The following SRGAP1 variants were observed in gnomAD, a reference collection of about 807,000 sequenced individuals.
The protein encoded by SRGAP1 is SLIT-ROBO Rho GTPase activating protein 1, also known as SLIT-ROBO Rho GTPase-activating protein 1.
SRGAP1 carries 43 observed loss-of-function variants against 121.9 expected under a neutral mutation model. The observed-to-expected ratio is 0.35, with a 90% CI of 0.28 to 0.46. The LOEUF (loss-of-function observed/expected upper bound fraction) is 0.46. SRGAP1 is among the 20% of genes least tolerant of loss of function. The pLI, the probability that SRGAP1 is intolerant of heterozygous loss-of-function variation, is 1.00. For synonymous variants in SRGAP1, 447 were observed against 485.4 expected (o/e 0.92, Z 1.04); for missense variants, 1,102 against 1,350.9 (o/e 0.82, Z 2.89).
chr12:64,091,415 G>T, intron 12 of SRGAP1, 37 bp downstream of exon 12: 3 of 1,478,184 alleles, frequency 2.0e-6, no homozygotes, highest in Non-Finnish European at 2.8e-6. Context: ...TGATCTCCAT[G>T]CTTCTTACTA....
At position 64,147,390 on chromosome 12, in the gene SRGAP1, C is replaced by T. The variant is rs749838127; in HGVS notation, c.*4718C>T. The T allele has an allele frequency of 1.0e-5, 4 of 386,234 alleles. No individual in the cohort carries two copies. The highest frequency in any genetic ancestry group is 1.8e-5 in the Non-Finnish European group (4 of 220,276). The allele number at this position is 386,234 out of a possible 1,614,324, so 23.9% of individuals were successfully genotyped here. A position where few individuals can be genotyped will look rare whatever the true frequency, so the allele number is the denominator to read the frequency against. ...CCTCCTCCTCCCAATTCCTGCTGCC[C>T]ACTCGAGTGTTTCGAAGCTTCCTCC... On this transcript the variant is annotated 3_prime_UTR_variant, in exon 22 of 22. Transcript: ENST00000355086.
chr12:64,066,424 A>G (rs7303224), intron 8 of SRGAP1, among the ~76,000 whole-genome samples: 3,730 of 152,294 alleles, frequency 0.024, 134 homozygotes, highest in African/African-American at 0.083. Context: ...GAGAATTCCA[A>G]CAGAAATAGT....
chr12:64,057,288 C>A (rs777436680), intron 6 of SRGAP1, among the ~76,000 whole-genome samples: 4 of 152,088 alleles, frequency 2.6e-5, no homozygotes, highest in African/African-American at 9.7e-5. Flanking sequence ...CTTAAAACAA[C>A]AAGAAGAGTT....
Position 64,095,002 on chromosome 12 carries a change from A to G in SRGAP1, c.1600+10A>G. 1 of 1,613,892 alleles carries G rather than the reference A, an allele frequency of 6.2e-7. No homozygotes were observed. The highest frequency in any genetic ancestry group is 2.2e-5 in the East Asian group (1 of 44,870). ...TTCATCAATCTCTATGGTAAGCCAT[A>G]AACTACAGAATTCTTATTTTTTAAA... On this transcript the variant is annotated intron_variant, in intron 13 of 21. Transcript: ENST00000355086.
Position 64,142,461 on chromosome 12 carries a change from C to T in SRGAP1, c.3047C>T (p.Ala1016Val). 1 of 1,614,142 alleles carries T rather than the reference C, an allele frequency of 6.2e-7. No individual in the cohort carries two copies. Among genetic ancestry groups the T allele is most frequent in the Non-Finnish European group, 8.5e-7 (1 of 1,180,044 alleles). ...TCTCTCAGCCCTTTGCACAACGTTGCCCTCAGGAGCTCCGAGCCTCAGATT... is the reference window on the plus strand; with the variant it reads ...TCTCTCAGCCCTTTGCACAACGTTGTCCTCAGGAGCTCCGAGCCTCAGATT... ...TESLSPLHNV[A>V]LRSSEPQIRR... is the part of the protein sequence containing the mutation. The change falls in exon 22 of 22, where the codon GCC (alanine) becomes GTC (valine). Residue 1016 changes from alanine (A) to valine (V), a missense_variant. By Grantham distance (64) the Ala-to-Val change is moderately conservative. This residue lies in a region of SRGAP1 where 315 missense variants were observed against 343.1 expected (regional missense o/e 0.92). Transcript: ENST00000355086.
chr12:64,032,500 G>C, intron 4 of SRGAP1: 5 of 1,161,392 alleles, frequency 4.3e-6, no homozygotes, highest in Non-Finnish European at 6.4e-6. Flanking sequence ...TTATCCAGCA[G>C]CCAGGCATGG....
chr12:64,038,192 C>T (rs1397722651), intron 4 of SRGAP1, among the ~76,000 whole-genome samples: 1 of 152,010 alleles, frequency 6.6e-6, no homozygotes, highest in East Asian at 1.9e-4. Flanking sequence ...ATATGTTATT[C>T]GTAAAATGCT....
intron 1 of SRGAP1, among the ~76,000 whole-genome samples, chr12:63,845,111 G>A (rs563629493): frequency 1.3e-4 from 20 of 152,284 alleles, no homozygotes; most frequent in African/African-American, 4.6e-4. Context: ...CCCGCCAGCT[G>A]CCAGCCCGCA....
chr12:63,892,813 G>A (rs1281667347), intron 1 of SRGAP1, among the ~76,000 whole-genome samples: 5 of 152,104 alleles, frequency 3.3e-5, no homozygotes, highest in African/African-American at 4.8e-5. Flanking sequence ...TTCGGAGTGC[G>A]AAATGGCTGC....
intron 1 of SRGAP1, among the ~76,000 whole-genome samples, chr12:63,930,458 G>A (rs1469116416): frequency 6.6e-6 from 1 of 151,584 alleles, no homozygotes; most frequent in African/African-American, 2.4e-5. Flanking sequence ...AAATTGAGAT[G>A]ATAAAACATA....
intron 1 of SRGAP1, among the ~76,000 whole-genome samples, chr12:63,877,813 C>T (rs1022880382): frequency 1.3e-5 from 2 of 152,172 alleles, no homozygotes; most frequent in Admixed American, 1.3e-4. Context: ...CTGAATCTTG[C>T]CAGGCCTTAG....
At chr12:63,948,892 ATATTCCATATATATATT>A (rs2032149809) in intron 1 of SRGAP1, among the ~76,000 whole-genome samples, 1 of 76,968 alleles carries the variant, frequency 1.3e-5, no homozygotes, top group Non-Finnish European at 2.7e-5. Context: ...CCATATATAT[ATATTCCATATATATATT>A]TTCCATATAT....
intron 6 of SRGAP1, among the ~76,000 whole-genome samples, chr12:64,059,951 A>G (rs1229869501): frequency 6.6e-6 from 1 of 152,076 alleles, no homozygotes; most frequent in Non-Finnish European, 1.5e-5. Context: ...GTCATCTTTA[A>G]TCAAGTCCTT....
intron 15 of SRGAP1, among the ~76,000 whole-genome samples, chr12:64,099,360 T>C (rs963733741): frequency 1.3e-5 from 2 of 152,170 alleles, no homozygotes; most frequent in Non-Finnish European, 2.9e-5. Flanking sequence ...TGGAGTAGTT[T>C]TGCAGCCCTA....
At chr12:64,096,845 C>T (rs919858183) in intron 14 of SRGAP1, among the ~76,000 whole-genome samples, 13 of 152,152 alleles carry the variant, frequency 8.5e-5, no homozygotes, top group African/African-American at 2.9e-4. Flanking sequence ...CATAGTCAGA[C>T]AGACCTATGG....
At chr12:63,927,264 C>A (rs1452006732) in intron 1 of SRGAP1, among the ~76,000 whole-genome samples, 1 of 152,206 alleles carries the variant, frequency 6.6e-6, no homozygotes, top group Non-Finnish European at 1.5e-5. Flanking sequence ...AAGCACCTGC[C>A]TACCCCTACT....
In SRGAP1 at chr12:64,154,710, G is replaced by A. The variant is rs1422685530; in HGVS notation, c.*12038G>A. 3 of 152,216 alleles carry A rather than the reference G, an allele frequency of 2.0e-5. No homozygotes were observed. The highest frequency in any genetic ancestry group is 4.4e-5 in the Non-Finnish European group (3 of 68,058). 9.4% of individuals were successfully genotyped at this position (152,216 alleles called of 1,614,324 possible). On this transcript the variant is annotated 3_prime_UTR_variant, in exon 22 of 22. Transcript: ENST00000355086. ...TAGACTTCCAAGTGGAGAAGTCTAG[G>A]AGGCAGATGGACTTGAAGCTCAGGG... is the stretch of plus-strand genomic sequence containing the variant.
intron 1 of SRGAP1, among the ~76,000 whole-genome samples, chr12:63,971,287 A>G (rs2032940631): frequency 1.3e-5 from 2 of 152,224 alleles, no homozygotes; most frequent in Admixed American, 6.5e-5. Context: ...TATACAACTA[A>G]TAGTTACATG....
intron 3 of SRGAP1, among the ~76,000 whole-genome samples, chr12:63,997,626 C>A (rs1450699146): frequency 6.6e-6 from 1 of 152,042 alleles, no homozygotes; most frequent in Non-Finnish European, 1.5e-5. Context: ...ATAAAACACA[C>A]AATAAAACAG....
Sources: gnomAD v4.1 joint callset for allele counts (sites outside exome capture counted in the v4.1 genomes callset) on GRCh38, gnomAD v4.1.1 for gene constraint, gnomAD v4.1.1 regional missense constraint, MANE v1.5 for transcripts, NCBI Gene and HGNC (gene_info 2026-07-23, HGNC 2026-07-21) for gene names.